RAB3IL1: variants seen among roughly 807,000 people sequenced by gnomAD.
The protein encoded by RAB3IL1 is guanine nucleotide exchange factor for Rab-3A.
RAB3IL1 carries 37 observed loss-of-function variants against 49.2 expected under a neutral mutation model. That is an observed-to-expected ratio of 0.75 (90% confidence interval 0.58 to 0.99). The LOEUF is 0.99. Among genes scored for constraint, RAB3IL1 ranks in the 50% least tolerant of loss-of-function variants. The pLI is 0.00. For missense variants in RAB3IL1, 484 were observed against 513.0 expected (o/e 0.94, Z 0.55); for synonymous variants, 193 against 213.9 (o/e 0.90, Z 0.85).
the RAB3IL1 span, among the ~76,000 whole-genome samples, chr11:61,929,867 TGA>T: frequency 1.4e-5 from 2 of 146,008 alleles, no homozygotes; most frequent in African/African-American, 2.5e-5. Flanking sequence ...ACTATGGGCA[TGA>T]GCCACCGCGC....
the RAB3IL1 span, among the ~76,000 whole-genome samples, chr11:61,932,769 ATTTTTTTTTTTT>A: frequency 7.5e-6 from 1 of 134,048 alleles, no homozygotes; most frequent in Admixed American, 8.0e-5. Context: ...ACTATAGTTC[ATTTTTTTTTTTT>A]TTTTTTTTGA....
chr11:61,937,478 T>TG, the RAB3IL1 span, among the ~76,000 whole-genome samples: 8 of 151,540 alleles, frequency 5.3e-5, no homozygotes, highest in South Asian at 6.3e-4. Context: ...GCTAATTTGG[T>TG]GGGGGGGTGG....
chr11:61,905,681 C>T (rs1369883120), intron 5 of RAB3IL1, among the ~76,000 whole-genome samples: 1 of 152,184 alleles, frequency 6.6e-6, no homozygotes, highest in African/African-American at 2.4e-5. Flanking sequence ...TCCCTGGAGG[C>T]CCTGGAGACA....
At chr11:61,941,349 C>G in the RAB3IL1 span, among the ~76,000 whole-genome samples, 1 of 152,148 alleles carries the variant, frequency 6.6e-6, no homozygotes, top group East Asian at 1.9e-4. Context: ...AGAATAAATG[C>G]CAATCCACAA....
Position 61,904,628 on chromosome 11 carries a change from C to T in RAB3IL1, c.817G>A (p.Asp273Asn), listed in dbSNP as rs755522401. 6.8e-6 allele frequency: 11 copies of T among 1,612,632 alleles called. No homozygotes were observed. Among genetic ancestry groups the T allele is most frequent in the Non-Finnish European group, 9.3e-6 (11 of 1,179,522 alleles). ...LSVLVRAAVE[D>N]NTLTIEPVAS... ...ACCGGCTCAATGGTGAGCGTGTTGT[C>T]CTCCACGGCGGCCCGTACCAGCACC... The change falls in exon 7 of 10, where the codon GAC becomes AAC. Residue 273 changes from aspartate (D) to asparagine (N), a missense_variant. By Grantham distance (23) the Asp-to-Asn change is conservative (BLOSUM62 1). Transcript: ENST00000394836.
chr11:61,915,676 C>T (rs1939646819), intron 1 of RAB3IL1, among the ~76,000 whole-genome samples: 1 of 152,146 alleles, frequency 6.6e-6, no homozygotes. Flanking sequence ...TTCTCCTAAG[C>T]CAGCCTCCTT....
At chr11:61,903,844 A>G (rs1252301811) in intron 7 of RAB3IL1, among the ~76,000 whole-genome samples, 1 of 151,914 alleles carries the variant, frequency 6.6e-6, no homozygotes, top group African/African-American at 2.4e-5. Flanking sequence ...CTTTTGCCGC[A>G]CTGGCTGGTG....
chr11:61,908,268 G>A lies in RAB3IL1; in HGVS notation c.50C>T (p.Ala17Val). 6.6e-7 allele frequency: 1 copy of A among 1,510,088 alleles called. No homozygotes were observed. The highest frequency in any genetic ancestry group is 8.8e-7 in the Non-Finnish European group (1 of 1,130,674). The allele number at this position is 1,510,088 out of a possible 1,614,324, so 93.5% of individuals were successfully genotyped here. A position where few individuals can be genotyped will look rare whatever the true frequency, so the allele number is the denominator to read the frequency against. Residue 17 changes from alanine to valine, a missense_variant, in exon 2 of 10, where the codon GCA (alanine) becomes GTA (valine). Physicochemically the swap from Ala to Val is moderately conservative, Grantham distance 64. Coordinates refer to ENST00000394836, the MANE Select transcript of RAB3IL1 (RefSeq NM_013401.4). ...QPDQGLPPPLAAVPVPWKSTD... is the reference protein window; with the variant it reads ...QPDQGLPPPLVAVPVPWKSTD... Reference sequence around the variant, plus strand: ...GCTCTTCCAGGGGACCGGGACAGCTGCAAGGGGCGGCGGGAGGCCCTGGTC... The same window carrying A: ...GCTCTTCCAGGGGACCGGGACAGCTACAAGGGGCGGCGGGAGGCCCTGGTC...
the RAB3IL1 span, among the ~76,000 whole-genome samples, chr11:61,934,442 GTGTGTA>G: frequency 5.4e-4 from 10 of 18,678 alleles, 1 homozygote; most frequent in South Asian, 2.3e-3. Flanking sequence ...GTGTGTGTGT[GTGTGTA>G]TGTATATATA....
At chr11:61,923,464 G>A (rs1407780095), upstream of RAB3IL1, among the ~76,000 whole-genome samples, 1 of 152,216 alleles carries the variant, frequency 6.6e-6, no homozygotes, top group Non-Finnish European at 1.5e-5. Flanking sequence ...CCGCCTGCCT[G>A]TGGTGCAGAC....
the RAB3IL1 span, among the ~76,000 whole-genome samples, chr11:61,933,936 C>A: frequency 6.6e-6 from 1 of 151,648 alleles, no homozygotes; most frequent in Non-Finnish European, 1.5e-5. Context: ...CAGAGCAAGA[C>A]CTTGTCTCAG....
At chr11:61,931,836 T>C in the RAB3IL1 span, among the ~76,000 whole-genome samples, 1 of 152,096 alleles carries the variant, frequency 6.6e-6, no homozygotes. Context: ...ATGAGTAAGG[T>C]TGGAAGACAC....
intron 1 of RAB3IL1, among the ~76,000 whole-genome samples, chr11:61,908,638 G>C (rs914457096): frequency 2.6e-5 from 4 of 152,216 alleles, no homozygotes; most frequent in Non-Finnish European, 4.4e-5. Flanking sequence ...TCAGGGTTGA[G>C]TCCCACTTGT....
chr11:61,917,649 C>T, upstream of RAB3IL1: 3 of 878,416 alleles, frequency 3.4e-6, no homozygotes, highest in Non-Finnish European at 4.1e-6. Flanking sequence ...GCGCGCGCTC[C>T]CAAGGCCTGG....
At position 61,906,476 on chromosome 11, in the gene RAB3IL1, T is replaced by A. The variant is rs555339489; in HGVS notation, c.647A>T (p.Glu216Val). The A allele has an allele frequency of 6.5e-7, 1 of 1,543,680 alleles. No individual in the cohort carries two copies. Among genetic ancestry groups the A allele is most frequent in the East Asian group, 2.4e-5 (1 of 40,936 alleles). The change falls in exon 5 of 10, where the codon GAG becomes GTG. Residue 216 changes from glutamate to valine, a missense_variant. Glu to Val is a moderately radical substitution (Grantham distance 121, BLOSUM62 -2). Coordinates refer to ENST00000394836, the MANE Select transcript of RAB3IL1 (RefSeq NM_013401.4). This position sits in a 1 kb window ranked among gnomAD's most constrained non-coding sequence, Gnocchi z 4.6. ...GCTTCCCACCCTCACCTCCTTGCCC[T>A]CTCTGTCTGGGGTGAGGGTGTGTCC... ...AAGHTLTPDR[E>V]GKEVDTILFA...
chr11:61,898,351 A>ATGGGCTC lies in RAB3IL1; in HGVS notation c.1069_1075dup (p.Met359ArgfsTer76). ...CCGCAACCTCATGATCTCCCAGAAC[A>ATGGGCTC]TGGGCTCTGCTGCAGGCAGAGAGAG... On this transcript the variant is annotated frameshift_variant, in exon 10 of 10. Coordinates refer to ENST00000394836, the MANE Select transcript of RAB3IL1 (RefSeq NM_013401.4). LOFTEE classifies it high-confidence loss of function. The surrounding 1 kb of genome is among the most constrained non-coding windows in gnomAD (Gnocchi z 5.1). 4 of 1,613,500 alleles carry ATGGGCTC rather than the reference A, an allele frequency of 2.5e-6. No homozygotes were observed. The highest frequency in any genetic ancestry group is 2.5e-6 in the Non-Finnish European group (3 of 1,179,954).
At chr11:61,920,142 G>A (rs573268190), upstream of RAB3IL1, 32 of 1,341,152 alleles carry the variant, frequency 2.4e-5, no homozygotes, top group Admixed American at 3.5e-4. Context: ...CCAGGAACAC[G>A]GGACATGTCC....
At chr11:61,937,883 A>T in the RAB3IL1 span, 1 of 152,168 alleles carries the variant, frequency 6.6e-6, no homozygotes. Context: ...TTTTAAAAAA[A>T]ACATGATCCA....
rs1055982972 is a variant in RAB3IL1, at chr11:61,906,190, T to C, written c.657+276A>G. On this transcript the variant is annotated intron_variant, in intron 5 of 9. Coordinates refer to ENST00000394836, the MANE Select transcript of RAB3IL1 (RefSeq NM_013401.4). The surrounding 1 kb of genome is among the most constrained non-coding windows in gnomAD (Gnocchi z 4.6). ...CAGATCCTCAGGGCCAAAGCCAGCC[T>C]CAGGTGCAGAGACCACTACCTACTG... Among the ~76,000 whole-genome samples the C allele has an allele frequency of 1.3e-5, 2 of 152,054 alleles. No homozygotes were observed. Among genetic ancestry groups the C allele is most frequent in the African/African-American group, 4.8e-5 (2 of 41,386 alleles).
Sources: gnomAD v4.1 joint callset for allele counts (sites outside exome capture counted in the v4.1 genomes callset) on GRCh38, gnomAD v4.1.1 for gene constraint, Gnocchi (gnomAD v3.1) non-coding constraint, MANE v1.5 for transcripts, NCBI Gene and HGNC (gene_info 2026-07-23, HGNC 2026-07-21) for gene names.